HUS1: variants seen among roughly 807,000 people sequenced by gnomAD.
HUS1 encodes checkpoint protein HUS1.
A neutral mutation model predicts 32.6 loss-of-function variants in HUS1; 31 were observed. The observed-to-expected ratio is 0.95, with a 90% CI of 0.72 to 1.28. The LOEUF (loss-of-function observed/expected upper bound fraction) is 1.28, where lower values mean the gene tolerates loss of function less well. Ranked by LOEUF, HUS1 falls within the 50% of genes most tolerant of loss-of-function variation. The probability of loss-of-function intolerance (pLI) is 0.00; values close to 1 mark genes in which losing one functional copy is unlikely to be tolerated. For missense variants in HUS1, 340 were observed against 337.7 expected (o/e 1.01, Z -0.05); for synonymous variants, 123 against 116.6 (o/e 1.06, Z -0.36).
At chr7:47,967,239 T>C (rs144894676) in intron 7 of HUS1, among the ~76,000 whole-genome samples, 1 of 152,330 alleles carries the variant, frequency 6.6e-6, no homozygotes, top group African/African-American at 2.4e-5. Context: ...AATGCCTTTC[T>C]CATGTGTGGT....
In HUS1 at chr7:47,976,815, C is replaced by T. The variant is rs990421342; in HGVS notation, c.380G>A (p.Arg127His). The change falls in exon 4 of 8, where the codon CGC becomes CAC. Residue 127 changes from arginine to histidine, a missense_variant. Coordinates refer to ENST00000258774, the MANE Select transcript of HUS1 (RefSeq NM_004507.4). ...VELLSMSSSS[R>H]IVTHDIPIKV... Reference sequence around the variant, plus strand: ...TATGGGGATGTCATGGGTCACAATGCGGCTACTGCTTGACATAGATAACTG... The same window carrying T: ...TATGGGGATGTCATGGGTCACAATGTGGCTACTGCTTGACATAGATAACTG... 39 of 1,611,128 alleles carry T rather than the reference C, an allele frequency of 2.4e-5. No homozygotes were observed. The highest frequency in any genetic ancestry group is 3.1e-5 in the Non-Finnish European group (37 of 1,177,624).
At chr7:47,978,365 A>G in intron 3 of HUS1, 52 bp downstream of exon 3, 1 of 1,508,428 alleles carries the variant, frequency 6.6e-7, no homozygotes, top group Non-Finnish European at 9.1e-7. Flanking sequence ...AACTATGTCT[A>G]TTCCTTCGAG....
intron 5 of HUS1, among the ~76,000 whole-genome samples, chr7:47,974,655 T>C (rs1309203411): frequency 6.6e-6 from 1 of 151,846 alleles, no homozygotes; most frequent in African/African-American, 2.4e-5. Flanking sequence ...ACCAAGGGTG[T>C]TTTTTGGAGC....
At chr7:47,965,493 T>A (rs562944548) in intron 7 of HUS1, 55 bp from the exon 8 acceptor site, 1 of 1,298,876 alleles carries the variant, frequency 7.7e-7, no homozygotes, top group South Asian at 1.2e-5. Flanking sequence ...CACATTTTGA[T>A]CTCTACTTTT....
At chr7:47,967,720 A>T (rs112674203) in intron 7 of HUS1, 86 bp downstream of exon 7, 9 of 1,037,534 alleles carry the variant, frequency 8.7e-6, no homozygotes, top group African/African-American at 8.2e-5. Context: ...GATTTATGAG[A>T]CTATATGCAA....
Position 47,964,998 on chromosome 7 carries a change from G to A in HUS1, c.*358C>T, listed in dbSNP as rs111922480. The A allele has an allele frequency of 4.2e-4, 89 of 212,572 alleles. No homozygotes were observed. The highest frequency in any genetic ancestry group is 7.8e-4 in the Non-Finnish European group (80 of 102,914). 13.2% of individuals were successfully genotyped at this position (212,572 alleles called of 1,614,324 possible). On this transcript the variant is annotated 3_prime_UTR_variant, in exon 8 of 8. Transcript: ENST00000258774. ...GCTAGAGCCTCTGCCTGGAGGGAAA[G>A]TACCAAGCTCCCAGGCAACAGCTTT...
chr7:47,968,917 G>A (rs1287954407), intron 6 of HUS1: 3 of 254,844 alleles, frequency 1.2e-5, no homozygotes, highest in Non-Finnish European at 2.2e-5. Context: ...TTAGGAGTAG[G>A]ACAGGAATTG....
intron 7 of HUS1, 63 bp downstream of exon 7, chr7:47,967,743 G>A: frequency 1.5e-6 from 2 of 1,377,258 alleles, no homozygotes; most frequent in South Asian, 1.4e-5. Context: ...TGTTAGACTA[G>A]AGTTGACTGC....
At chr7:47,971,594 A>G in intron 5 of HUS1, 1 of 455,226 alleles carries the variant, frequency 2.2e-6, no homozygotes, top group Admixed American at 2.4e-5. Context: ...CCTACAATGA[A>G]ATTTCCTCCT....
intron 7 of HUS1, among the ~76,000 whole-genome samples, chr7:47,965,807 C>T (rs981513790): frequency 6.6e-6 from 1 of 152,184 alleles, no homozygotes; most frequent in African/African-American, 2.4e-5. Context: ...CAGGATCCCC[C>T]AACACCTGGG....
chr7:47,978,689 C>G lies in HUS1; in HGVS notation c.180G>C (p.Gln60His), dbSNP rs1275099670. Residue 60 changes from glutamine to histidine, a missense_variant and splice_region_variant, in exon 2 of 8, where the codon CAG becomes CAC. By Grantham distance (24) the Gln-to-His change is conservative (BLOSUM62 0). Transcript: ENST00000258774. ...GGVSMWCELEQENFFNEFQME... is the reference protein window; with the variant it reads ...GGVSMWCELEHENFFNEFQME... ...AGGCCTCTCAGAAGCTTTTGCTCACCTGTTCCAGCTCACACCACATGCTCA... is the reference window on the plus strand; with the variant it reads ...AGGCCTCTCAGAAGCTTTTGCTCACGTGTTCCAGCTCACACCACATGCTCA... 6.2e-7 allele frequency: 1 copy of G among 1,613,984 alleles called. No homozygotes were observed. The highest frequency in any genetic ancestry group is 1.7e-5 in the Admixed American group (1 of 60,006).
intron 3 of HUS1, 73 bp from the exon 4 acceptor site, chr7:47,976,910 C>T (rs546700391): frequency 9.9e-6 from 10 of 1,014,064 alleles, no homozygotes; most frequent in African/African-American, 4.9e-5. Flanking sequence ...CCCGAAGACC[C>T]GGGACAAAAA....
At chr7:47,978,654 CAG>C (rs768230588) in intron 2 of HUS1, 33 bp downstream of exon 2, 17 of 1,612,780 alleles carry the variant, frequency 1.1e-5, no homozygotes, top group East Asian at 2.2e-5. Context: ...TGACAATCTG[CAG>C]AGTGTGCAGG....
intron 5 of HUS1, among the ~76,000 whole-genome samples, chr7:47,970,362 A>T (rs1203439457): frequency 8.5e-5 from 13 of 152,100 alleles, no homozygotes; most frequent in Admixed American, 5.2e-4. Context: ...AGCTGACAGC[A>T]CAGGAAGTAA....
At position 47,965,148 on chromosome 7, in the gene HUS1, C is replaced by A; in HGVS notation, c.*208G>T. 2.4e-6 allele frequency: 1 copy of A among 423,894 alleles called. No individual in the cohort carries two copies. The highest frequency in any genetic ancestry group is 4.3e-6 in the Non-Finnish European group (1 of 234,324). 26.3% of individuals were successfully genotyped at this position (423,894 alleles called of 1,614,324 possible). A position where few individuals can be genotyped will look rare whatever the true frequency, so the allele number is the denominator to read the frequency against. On this transcript the variant is annotated 3_prime_UTR_variant, in exon 8 of 8. Coordinates refer to ENST00000258774, the MANE Select transcript of HUS1 (RefSeq NM_004507.4). ...TCTTTTCAGTGTCTTAAAAACAAAG[C>A]AAAACAGACATGAGCAACATGAAGT... is the stretch of plus-strand genomic sequence containing the variant.
At chr7:47,968,578 A>G (rs931784970) in intron 6 of HUS1, among the ~76,000 whole-genome samples, 6 of 152,180 alleles carry the variant, frequency 3.9e-5, no homozygotes, top group Admixed American at 6.5e-5. Flanking sequence ...TGATTTTCTC[A>G]TCATCCCCAG....
chr7:47,970,232 CAAAAAAAA>C (rs777331089), intron 5 of HUS1, among the ~76,000 whole-genome samples: 1 of 47,836 alleles, frequency 2.1e-5, no homozygotes, highest in African/African-American at 7.3e-5. Context: ...GACTCTGTCT[CAAAAAAAA>C]AAAAAAAAAA....
chr7:47,974,318 TAGC>T (rs1053239741), intron 5 of HUS1, among the ~76,000 whole-genome samples: 10 of 151,524 alleles, frequency 6.6e-5, no homozygotes, highest in Non-Finnish European at 1.2e-4. Flanking sequence ...TCAGAGATCT[TAGC>T]AGGTGATTTA....
rs2128766926 is a variant in HUS1, at chr7:47,978,804, A to G, written c.65T>C (p.Met22Thr). ...CLNHFTRISN[M>T]IAKLAKTCTL... is the part of the protein sequence containing the mutation. ...GCAGGTTTTGGCAAGCTTGGCTATC[A>G]TGTTACTGATTCCTAAAGCAGGGGT... The change falls in exon 2 of 8, where the codon ATG becomes ACG. Residue 22 changes from methionine to threonine, a missense_variant. Transcript: ENST00000258774. 3 of 1,613,994 alleles carry G rather than the reference A, an allele frequency of 1.9e-6. No homozygotes were observed. The highest frequency in any genetic ancestry group is 2.2e-5 in the East Asian group (1 of 44,870).
Sources: gnomAD v4.1 joint callset for allele counts (sites outside exome capture counted in the v4.1 genomes callset) on GRCh38, gnomAD v4.1.1 for gene constraint, MANE v1.5 for transcripts, NCBI Gene and HGNC (gene_info 2026-07-23, HGNC 2026-07-21) for gene names.